Variants in CHN2 observed in about 807,000 individuals in gnomAD.
The protein encoded by CHN2 is chimerin 2.
A neutral mutation model predicts 56.3 loss-of-function variants in CHN2; 35 were observed. The ratio of observed to expected loss-of-function variants is 0.62; its 90% CI spans 0.47 to 0.82. CHN2 has a LOEUF of 0.82. Ranked by LOEUF, CHN2 falls within the 40% of genes least tolerant of loss-of-function variation. CHN2 has a pLI of 0.00. For synonymous variants in CHN2, 210 were observed against 212.8 expected, an observed-to-expected ratio of 0.99 and a Z score of 0.12; for missense variants, 491 against 580.5, an observed-to-expected ratio of 0.85 and a Z score of 1.58.
intron 1 of CHN2, among the ~76,000 whole-genome samples, chr7:29,216,674 A>G (rs926300055): frequency 1.1e-4 from 16 of 152,162 alleles, no homozygotes; most frequent in African/African-American, 3.6e-4. Context: ...AAGGTAGTGG[A>G]AACCGCTGAT....
chr7:29,428,172 T>C (rs1407520795), intron 6 of CHN2, among the ~76,000 whole-genome samples: 2 of 152,226 alleles, frequency 1.3e-5, no homozygotes, highest in Admixed American at 1.3e-4. Context: ...ATGGGGACTA[T>C]GATAGCAACA....
intron 1 of CHN2, among the ~76,000 whole-genome samples, chr7:29,228,233 T>C (rs1045033109): frequency 1.3e-5 from 2 of 151,800 alleles, no homozygotes. Flanking sequence ...GAGAGAGTCA[T>C]GTGCCACACC....
intron 2 of CHN2, among the ~76,000 whole-genome samples, chr7:29,171,233 C>G (rs759489520): frequency 6.6e-6 from 1 of 152,144 alleles, no homozygotes; most frequent in Non-Finnish European, 1.5e-5. Context: ...TCACCTAATA[C>G]GCGTCCTACT....
At chr7:29,254,008 G>A (rs1042256593) in intron 1 of CHN2, among the ~76,000 whole-genome samples, 5 of 152,132 alleles carry the variant, frequency 3.3e-5, no homozygotes, top group Admixed American at 6.5e-5. Context: ...AGGGTCAAGC[G>A]ATTCTCCTGC....
Position 29,239,409 on chromosome 7 carries a change from A to C in CHN2, c.49+44419A>C, listed in dbSNP as rs1233045486. ...TCTATAGTTCCACTGGGACATGTTC[A>C]GTTTGATATGCCCATTAGACGTGTC... On this transcript the variant is annotated intron_variant, in intron 1 of 12. Coordinates refer to ENST00000222792, the MANE Select transcript of CHN2 (RefSeq NM_004067.4). Among the ~76,000 whole-genome samples the C allele has an allele frequency of 6.6e-5, 10 of 152,332 alleles. No individual in the cohort carries two copies. The East Asian group carries it at 1.9e-3, about 29-fold the overall frequency.
chr7:29,265,910 C>T (rs1199463896), intron 1 of CHN2, among the ~76,000 whole-genome samples: 1 of 152,048 alleles, frequency 6.6e-6, no homozygotes, highest in Non-Finnish European at 1.5e-5. Context: ...TCAAGAAGAC[C>T]CAGTACAGTA....
At chr7:29,150,001 T>C (rs1359277604) in intron 2 of CHN2, among the ~76,000 whole-genome samples, 1 of 152,258 alleles carries the variant, frequency 6.6e-6, no homozygotes, top group Admixed American at 6.5e-5. Flanking sequence ...CCTTCTCTTG[T>C]ATTGAGAATA....
At chr7:29,190,096 A>G (rs888442591), upstream of CHN2, among the ~76,000 whole-genome samples, 2 of 152,216 alleles carry the variant, frequency 1.3e-5, no homozygotes, top group African/African-American at 4.8e-5. Flanking sequence ...TCCTGCCCCT[A>G]GTGACGCCTG....
At chr7:29,453,495 G>A (rs1472296081) in intron 6 of CHN2, among the ~76,000 whole-genome samples, 2 of 152,188 alleles carry the variant, frequency 1.3e-5, no homozygotes, top group Non-Finnish European at 2.9e-5. Context: ...GACACCACTT[G>A]TCCCATGGGA....
chr7:29,430,789 C>CAA (rs72339566), intron 6 of CHN2, among the ~76,000 whole-genome samples: 37 of 113,674 alleles, frequency 3.3e-4, no homozygotes, highest in African/African-American at 7.4e-4. Context: ...AAGATGATAG[C>CAA]AAAAAAAAAA....
At chr7:29,184,028 ATAC>A (rs558373606) in intron 2 of CHN2, among the ~76,000 whole-genome samples, 2 of 152,140 alleles carry the variant, frequency 1.3e-5, no homozygotes, top group South Asian at 2.1e-4. Flanking sequence ...TTATCTGCAA[ATAC>A]TACACTATTT....
intron 3 of CHN2, among the ~76,000 whole-genome samples, chr7:29,382,295 C>A: frequency 6.6e-6 from 1 of 152,180 alleles, no homozygotes; most frequent in East Asian, 1.9e-4. Context: ...CATGTTCACC[C>A]TCTAAAGAAT....
chr7:29,442,934 C>CTTTTTTTTTTTTTT (rs541792526), intron 6 of CHN2, among the ~76,000 whole-genome samples: 1,855 of 102,854 alleles, frequency 0.018, 223 homozygotes, highest in Admixed American at 0.027. Flanking sequence ...CATTGAATTT[C>CTTTTTTTTTTTTTT]TTTTTTTTTT....
rs115794163 is a variant in CHN2 at position 29,171,885 on chromosome 7, C to T, written c.274+24925C>T. Among the ~76,000 whole-genome samples the T allele has an allele frequency of 2.6e-3, 400 of 152,260 alleles. 3 individuals are homozygous for T. Among genetic ancestry groups the T allele is most frequent in the African/African-American group, 9.2e-3 (382 of 41,530 alleles). ...CATATAGTTCTTACAAATGGACTTA[C>T]GAACTGATTTGGAGGGAAGCCCCCA... On this transcript the variant is annotated intron_variant, in intron 2 of 6. Coordinates refer to the CHN2 transcript ENST00000439384.
intron 2 of CHN2, among the ~76,000 whole-genome samples, chr7:29,363,572 C>G (rs2391754): frequency 1.3e-5 from 2 of 152,048 alleles, no homozygotes; most frequent in Non-Finnish European, 2.9e-5. Flanking sequence ...GAACAACATC[C>G]CTGCCCTCAA....
At position 29,157,073 on chromosome 7, in the gene CHN2, G is replaced by A. The variant is rs571545101; in HGVS notation, c.274+10113G>A. ...AGGAAGCCAGCCTCCTAGCTGCACC[G>A]ACAAATTGTAGGGAAATGAAAAGGC... On this transcript the variant is annotated intron_variant, in intron 2 of 6. Transcript: ENST00000439384. 3.9e-5 allele frequency among the ~76,000 whole-genome samples: 6 copies of A among 152,290 alleles called. No homozygotes were observed. In the South Asian group the frequency reaches 8.3e-4, roughly 21 times the overall value.
chr7:29,458,047 C>T (rs2128135442), intron 6 of CHN2, among the ~76,000 whole-genome samples: 1 of 152,328 alleles, frequency 6.6e-6, no homozygotes, highest in South Asian at 2.1e-4. Flanking sequence ...AGCTTTCATG[C>T]ATTATAGTCA....
rs3812339 is a variant in CHN2 at position 29,300,745 on chromosome 7, A to G, written c.50-53880A>G. 5.9e-5 allele frequency among the ~76,000 whole-genome samples: 9 copies of G among 152,080 alleles called. No individual in the cohort carries two copies. In the East Asian group the frequency reaches 1.4e-3, roughly 23 times the overall value. The stretch of plus-strand genomic sequence containing the variant: ...TGATTATTTGAATAACAAAAGAAAT[A>G]TTTTCCAAAAGCCCCTTTTTTCAGG... On this transcript the variant is annotated intron_variant, in intron 1 of 12. Transcript: ENST00000222792.
At chr7:29,473,478 T>TGTG (rs1554299007) in intron 6 of CHN2, among the ~76,000 whole-genome samples, 22 of 111,444 alleles carry the variant, frequency 2.0e-4, no homozygotes, top group African/African-American at 7.8e-4. Context: ...GTGTTTTTTT[T>TGTG]TTTTTGTGTG....
Sources: gnomAD v4.1 joint callset for allele counts (sites outside exome capture counted in the v4.1 genomes callset) on GRCh38, gnomAD v4.1.1 for gene constraint, MANE v1.5 for transcripts, NCBI Gene and HGNC (gene_info 2026-07-23, HGNC 2026-07-21) for gene names.